HOXB6: variants seen among roughly 807,000 people sequenced by gnomAD.
HOXB6 encodes homeobox B6, also known as homeobox protein Hox-B6.
Under a neutral mutation model 24.2 loss-of-function variants are expected in HOXB6, and 18 were observed. The observed-to-expected ratio is 0.74, with a 90% confidence interval of 0.51 to 1.10. HOXB6 has a LOEUF of 1.10. Among genes scored for constraint, HOXB6 ranks in the 50% least tolerant of loss-of-function variants. HOXB6 has a pLI of 0.00. For synonymous variants in HOXB6, 159 were observed against 139.1 expected, an observed-to-expected ratio of 1.14 and a Z score of -1.01; for missense variants, 332 against 308.3, an observed-to-expected ratio of 1.08 and a Z score of -0.58.
At chr17:48,604,442 G>A (rs1363211668) in intron 2 of HOXB6, 38 bp downstream of exon 2, 2 of 152,082 alleles carry the variant, frequency 1.3e-5, no homozygotes, top group Non-Finnish European at 2.9e-5. Flanking sequence ...CAAAAGCGAT[G>A]CAAAAGAACA....
At chr17:48,600,991 CGTGTGT>C (rs58180060) in intron 2 of HOXB6, among the ~76,000 whole-genome samples, 64 of 145,764 alleles carry the variant, frequency 4.4e-4, no homozygotes, top group African/African-American at 1.5e-3. Context: ...GGGATATTTG[CGTGTGT>C]GTGTGTGTGT....
chr17:48,598,010 C>G lies in HOXB6; in HGVS notation c.141G>C (p.Pro47=), dbSNP rs2070360431. 2 of 1,595,790 alleles carry G rather than the reference C, an allele frequency of 1.3e-6. No individual in the cohort carries two copies. The highest frequency in any genetic ancestry group is 1.7e-6 in the Non-Finnish European group (2 of 1,171,592). ...AAGTGGCAAAGCCCTTGTCCTGGCC[C>G]GGCCCTGGCCCGTAGGGCGCGGGGT... is the stretch of plus-strand genomic sequence containing the variant. ...RHYPAPYGPG[P]GQDKGFATSS... The change falls in exon 3 of 4, where the codon CCG becomes CCC. Residue 47 remains proline, a synonymous_variant. Transcript: ENST00000225648.
intron 2 of HOXB6, among the ~76,000 whole-genome samples, chr17:48,599,483 G>A (rs777352574): frequency 6.6e-5 from 10 of 152,176 alleles, no homozygotes; most frequent in African/African-American, 1.7e-4. Flanking sequence ...AGAGAAGGTC[G>A]TTTGCGTTCT....
intron 1 of HOXB6, 66 bp downstream of exon 1, chr17:48,604,784 TTTTGGTTCTCTC>T (rs1014162351): frequency 1.3e-5 from 2 of 152,104 alleles, no homozygotes; most frequent in Admixed American, 1.3e-4. Flanking sequence ...TCAAAATTAT[TTTTGGTTCTCTC>T]TTTGTGTAAT....
intron 2 of HOXB6, among the ~76,000 whole-genome samples, chr17:48,600,973 C>A (rs2070445938): frequency 6.8e-6 from 1 of 147,738 alleles, no homozygotes; most frequent in East Asian, 2.0e-4. Context: ...TGATAGGTAA[C>A]CTCAGGAGGG....
Position 48,604,436 on chromosome 17 carries a change from A to C in HOXB6, c.-79+44T>G, listed in dbSNP as rs928494194. 4 of 152,398 alleles carry C rather than the reference A, an allele frequency of 2.6e-5. No individual in the cohort carries two copies. The East Asian group carries it at 7.7e-4, about 29-fold the overall frequency. The allele number at this position is 152,398 out of a possible 1,614,324, so 9.4% of individuals were successfully genotyped here. Reference sequence around the variant, plus strand: ...CCAAGCCCCACCCCCACCCTACAAAAGCGATGCAAAAGAACAAGAAGAAAA... The same window carrying C: ...CCAAGCCCCACCCCCACCCTACAAACGCGATGCAAAAGAACAAGAAGAAAA... On this transcript the variant is annotated intron_variant, in intron 2 of 3. Transcript: ENST00000225648.
chr17:48,604,192 C>T (rs1360551899), intron 2 of HOXB6: 1 of 151,448 alleles, frequency 6.6e-6, no homozygotes, highest in Admixed American at 6.6e-5. Context: ...CTCTTTCGCA[C>T]CCCCCTTGCT....
chr17:48,602,187 A>G (rs1201388594), intron 2 of HOXB6: 5 of 456,052 alleles, frequency 1.1e-5, no homozygotes, highest in South Asian at 4.6e-5. Context: ...CCCACCAACC[A>G]AGGAGCTGGC....
chr17:48,602,061 C>G, intron 2 of HOXB6: 1 of 454,430 alleles, frequency 2.2e-6, no homozygotes, highest in Non-Finnish European at 4.4e-6. Context: ...AAATTTTTCC[C>G]AAATCATATT....
intron 2 of HOXB6, among the ~76,000 whole-genome samples, chr17:48,598,686 C>T (rs2070384801): frequency 6.6e-6 from 1 of 152,164 alleles, no homozygotes; most frequent in African/African-American, 2.4e-5. Flanking sequence ...TAAATGTCTC[C>T]GAATCGCCTT....
chr17:48,598,652 C>G (rs2070383975), intron 2 of HOXB6, among the ~76,000 whole-genome samples: 1 of 152,180 alleles, frequency 6.6e-6, no homozygotes, highest in African/African-American at 2.4e-5. Context: ...TTGCTTCGAC[C>G]CCTTCTCTCC....
At chr17:48,600,812 C>T (rs1313888796) in intron 2 of HOXB6, among the ~76,000 whole-genome samples, 2 of 152,146 alleles carry the variant, frequency 1.3e-5, no homozygotes, top group Non-Finnish European at 2.9e-5. Context: ...TTCTTGAGTA[C>T]ATAACAGAGG....
chr17:48,599,588 C>T (rs567117407), intron 2 of HOXB6, among the ~76,000 whole-genome samples: 15 of 152,332 alleles, frequency 9.8e-5, no homozygotes, highest in African/African-American at 2.6e-4. Flanking sequence ...TCCCACACCC[C>T]GTGTTTGTAT....
At position 48,597,825 on chromosome 17, in the gene HOXB6, G is replaced by C; in HGVS notation, c.326C>G (p.Ala109Gly). The C allele has an allele frequency of 6.2e-7, 1 of 1,605,838 alleles. No homozygotes were observed. The highest frequency in any genetic ancestry group is 2.2e-5 in the East Asian group (1 of 44,462). ...CTCGCCGAACACGCTCTTGTCCTGC[G>C]CGCAGTCCGACTTCCGCGGCTCGGG... ...FHPEPRKSDCAQDKSVFGETE... is the reference protein window; with the variant it reads ...FHPEPRKSDCGQDKSVFGETE... Residue 109 changes from alanine to glycine, a missense_variant, in exon 3 of 4, where the codon GCG (alanine) becomes GGG (glycine). Ala to Gly is a moderately conservative substitution (Grantham distance 60). Transcript: ENST00000225648.
At chr17:48,597,648 G>T (rs2070340239) in intron 3 of HOXB6, 88 bp downstream of exon 3, 2 of 1,396,254 alleles carry the variant, frequency 1.4e-6, no homozygotes, top group Non-Finnish European at 1.0e-6. Context: ...CCCTGTGGGA[G>T]ATTGGGGCAG....
At position 48,598,192 on chromosome 17, in the gene HOXB6, T is replaced by A; in HGVS notation, c.-42A>T. ...CGCGGCCGCTGCTGCTCCGCCGGGT[T>A]TATGATTTGTTGTGTTTTATAGTCC... On this transcript the variant is annotated 5_prime_UTR_variant, in exon 3 of 4. Transcript: ENST00000225648. The A allele has an allele frequency of 6.6e-7, 1 of 1,522,712 alleles. No homozygotes were observed. The highest frequency in any genetic ancestry group is 8.8e-7 in the Non-Finnish European group (1 of 1,132,548). The allele number at this position is 1,522,712 out of a possible 1,614,324, so 94.3% of individuals were successfully genotyped here.
At position 48,595,813 on chromosome 17, in the gene HOXB6, C is replaced by T. The variant is rs1377264584; in HGVS notation, c.*600G>A. 1.4e-5 allele frequency: 3 copies of T among 214,114 alleles called. No homozygotes were observed. Among genetic ancestry groups the T allele is most frequent in the Non-Finnish European group, 2.9e-5 (3 of 104,592 alleles). The allele number at this position is 214,114 out of a possible 1,614,324, so 13.3% of individuals were successfully genotyped here. Reference sequence around the variant, plus strand: ...TTATTATTATTATTATTATCATCATCATCATCATCATCATCATCGAAGTAT... The same window carrying T: ...TTATTATTATTATTATTATCATCATTATCATCATCATCATCATCGAAGTAT... On this transcript the variant is annotated 3_prime_UTR_variant, in exon 4 of 4. Coordinates refer to ENST00000225648, the MANE Select transcript of HOXB6 (RefSeq NM_018952.5).
intron 3 of HOXB6, 131 bp downstream of exon 3, chr17:48,597,605 C>T: frequency 1.0e-6 from 1 of 1,004,404 alleles, no homozygotes; most frequent in Non-Finnish European, 1.5e-6. Flanking sequence ...GCCCAATCTT[C>T]TTCTATCTCC....
intron 3 of HOXB6, 62 bp downstream of exon 3, chr17:48,597,674 T>G: frequency 1.3e-6 from 2 of 1,549,368 alleles, no homozygotes; most frequent in Non-Finnish European, 1.8e-6. Flanking sequence ...GCTCACTAGT[T>G]CTGTGTCCCG....
Sources: gnomAD v4.1 joint callset for allele counts (sites outside exome capture counted in the v4.1 genomes callset) on GRCh38, gnomAD v4.1.1 for gene constraint, MANE v1.5 for transcripts, NCBI Gene and HGNC (gene_info 2026-07-23, HGNC 2026-07-21) for gene names.